Variants in SPAG16 observed in about 807,000 individuals in gnomAD.
The protein encoded by SPAG16 is sperm associated antigen 16.
SPAG16 carries 86 observed loss-of-function variants against 80.4 expected under a neutral mutation model. The ratio of observed to expected loss-of-function variants is 1.07; its 90% CI spans 0.90 to 1.28. The LOEUF (loss-of-function observed/expected upper bound fraction) is 1.28, where lower values mean the gene tolerates loss of function less well. Among genes scored for constraint, SPAG16 ranks in the 50% most tolerant of loss-of-function variants. The pLI is 0.00. For synonymous variants in SPAG16, 294 were observed against 265.9 expected (o/e 1.11, Z -1.03); for missense variants, 870 against 765.3 (o/e 1.14, Z -1.61).
intron 15 of SPAG16, among the ~76,000 whole-genome samples, chr2:214,192,421 G>GA (rs11403609): frequency 0.044 from 6,620 of 151,844 alleles, 203 homozygotes; most frequent in South Asian, 0.077. Flanking sequence ...CTATTTCTTA[G>GA]AAAAAAATGG....
At chr2:213,745,066 T>C (rs1262511570) in intron 10 of SPAG16, among the ~76,000 whole-genome samples, 4 of 152,342 alleles carry the variant, frequency 2.6e-5, no homozygotes, top group Non-Finnish European at 4.4e-5. Context: ...AAAACTGTTA[T>C]GGTTTCACGT....
At chr2:213,796,529 C>T (rs947295637) in intron 10 of SPAG16, among the ~76,000 whole-genome samples, 2 of 152,066 alleles carry the variant, frequency 1.3e-5, no homozygotes. Context: ...CATGTGCCAC[C>T]TAATACTTTG....
chr2:213,546,048 G>A (rs1351857130), intron 10 of SPAG16, among the ~76,000 whole-genome samples: 2 of 152,116 alleles, frequency 1.3e-5, no homozygotes, highest in African/African-American at 4.8e-5. Flanking sequence ...TTGAAATGGG[G>A]TCCAAGTGTT....
intron 15 of SPAG16, among the ~76,000 whole-genome samples, chr2:214,258,810 A>T (rs1690911260): frequency 6.6e-6 from 1 of 151,852 alleles, no homozygotes; most frequent in Admixed American, 6.6e-5. Flanking sequence ...TCAGTTAGTT[A>T]TCACCACTCT....
At chr2:213,510,495 T>C (rs2075180240) in intron 10 of SPAG16, among the ~76,000 whole-genome samples, 1 of 152,206 alleles carries the variant, frequency 6.6e-6, no homozygotes, top group African/African-American at 2.4e-5. Flanking sequence ...GAATCTTTAA[T>C]GTCCTTGCAA....
At chr2:213,671,813 AAGAC>A (rs1437416309) in intron 10 of SPAG16, among the ~76,000 whole-genome samples, 1 of 152,204 alleles carries the variant, frequency 6.6e-6, no homozygotes, top group Non-Finnish European at 1.5e-5. Context: ...TGAGCTGAAG[AAGAC>A]AGTTTGATGT....
chr2:214,166,440 G>A (rs1201360791), intron 15 of SPAG16, among the ~76,000 whole-genome samples: 1 of 152,172 alleles, frequency 6.6e-6, no homozygotes, highest in Non-Finnish European at 1.5e-5. Context: ...CACTTGCACA[G>A]TGGCTGCATT....
At chr2:214,204,145 C>A (rs1176644081) in intron 15 of SPAG16, among the ~76,000 whole-genome samples, 1 of 152,122 alleles carries the variant, frequency 6.6e-6, no homozygotes, top group African/African-American at 2.4e-5. Context: ...GAAAACCACA[C>A]CCCCACCCCC....
intron 10 of SPAG16, among the ~76,000 whole-genome samples, chr2:213,836,867 G>A (rs1173381444): frequency 6.6e-6 from 1 of 152,112 alleles, no homozygotes; most frequent in East Asian, 1.9e-4. Flanking sequence ...CCCGGTCTCA[G>A]CCTCCCAAAG....
chr2:214,164,149 A>G (rs2056560487), intron 15 of SPAG16, among the ~76,000 whole-genome samples: 1 of 152,114 alleles, frequency 6.6e-6, no homozygotes, highest in Non-Finnish European at 1.5e-5. Flanking sequence ...AGACAGTAAA[A>G]ATAGAGCAAT....
chr2:213,457,958 T>C (rs984009385), intron 9 of SPAG16, among the ~76,000 whole-genome samples: 12 of 152,096 alleles, frequency 7.9e-5, no homozygotes, highest in African/African-American at 2.7e-4. Context: ...TAATAATAAC[T>C]TGTTAATATT....
intron 10 of SPAG16, among the ~76,000 whole-genome samples, chr2:213,683,322 G>A (rs762862446): frequency 1.8e-4 from 28 of 152,118 alleles, no homozygotes; most frequent in Non-Finnish European, 3.4e-4. Context: ...AGGTTAAGCC[G>A]GGCAGATCAC....
chr2:214,403,496 A>G (rs1017682500), intron 15 of SPAG16, among the ~76,000 whole-genome samples: 8 of 151,986 alleles, frequency 5.3e-5, no homozygotes, highest in Admixed American at 5.2e-4. Context: ...TTCGTTTGAA[A>G]CCTGGTGAGC....
At chr2:214,089,723 T>C (rs1370280188) in intron 13 of SPAG16, among the ~76,000 whole-genome samples, 2 of 152,036 alleles carry the variant, frequency 1.3e-5, no homozygotes, top group African/African-American at 4.8e-5. Flanking sequence ...ATTTATGATC[T>C]TCTCTCCCAA....
chr2:213,439,923 C>G (rs2070840668), intron 9 of SPAG16, among the ~76,000 whole-genome samples: 1 of 152,122 alleles, frequency 6.6e-6, no homozygotes, highest in Non-Finnish European at 1.5e-5. Flanking sequence ...GATAATTTAT[C>G]TAATAAAAAG....
At chr2:213,829,057 C>A (rs962415396) in intron 10 of SPAG16, among the ~76,000 whole-genome samples, 2 of 152,098 alleles carry the variant, frequency 1.3e-5, no homozygotes, top group African/African-American at 2.4e-5. Context: ...TTCAGCAAGG[C>A]CCTGGGCTCT....
At chr2:213,715,272 T>TATCTATCTGTC (rs2066191099) in intron 10 of SPAG16, among the ~76,000 whole-genome samples, 1 of 67,478 alleles carries the variant, frequency 1.5e-5, no homozygotes, top group Admixed American at 1.5e-4. Flanking sequence ...ATCTATCCAT[T>TATCTATCTGTC]CATCCATCTA....
chr2:213,921,943 T>C lies in SPAG16; in HGVS notation c.1215-8017T>C, dbSNP rs181717970. 1.6e-3 allele frequency among the ~76,000 whole-genome samples: 240 copies of C among 152,324 alleles called. 2 individuals carry two copies. Among genetic ancestry groups the C allele is most frequent in the Non-Finnish European group, 3.0e-3 (203 of 68,026 alleles). On this transcript the variant is annotated intron_variant, in intron 11 of 15. Transcript: ENST00000331683. ...TATGTGACCTGTCTCTTCTCTCTAA[T>C]TGCCTTTTACATTTTTTCATTCATT...
chr2:213,910,361 G>C (rs1454761328), intron 11 of SPAG16, among the ~76,000 whole-genome samples: 3 of 152,058 alleles, frequency 2.0e-5, no homozygotes, highest in African/African-American at 7.2e-5. Context: ...TTTTCTAGGA[G>C]AGGAACAACT....
Sources: allele counts gnomAD v4.1 joint callset (sites outside exome capture counted in the v4.1 genomes callset), GRCh38; gene constraint gnomAD v4.1.1; transcripts MANE v1.5; gene names NCBI Gene and HGNC (gene_info 2026-07-23, HGNC 2026-07-21).